UNC80: variants seen among roughly 807,000 people sequenced by gnomAD.
The protein encoded by UNC80 is protein unc-80 homolog.
In UNC80, 164 loss-of-function variants were observed where a neutral mutation model predicts 384.6. That is an observed-to-expected ratio of 0.43 (90% confidence interval 0.38 to 0.49). UNC80 has a LOEUF of 0.49. UNC80 is among the 20% of genes least tolerant of loss of function. The pLI, the probability that UNC80 is intolerant of heterozygous loss-of-function variation, is 0.00. For synonymous variants in UNC80, 1,486 were observed against 1,527.8 expected (o/e 0.97, Z 0.64); for missense variants, 3,330 against 4,143.0 (o/e 0.80, Z 5.39).
Position 209,775,777 on chromosome 2 carries a change from AG to A in UNC80, c.142-108del, listed in dbSNP as rs1160408342. ...TTGGTCCAGTAATTTGCATCTTTTA[AG>A]GGGTACAGTACCTTGCTGTTCATTT... is the stretch of plus-strand genomic sequence containing the variant. On this transcript the variant is annotated intron_variant, in intron 2 of 64. Coordinates refer to ENST00000673920, the MANE Select transcript of UNC80 (RefSeq NM_001371986.1). 7.7e-6 allele frequency: 8 copies of A among 1,042,404 alleles called. No homozygotes were observed. In the East Asian group the frequency reaches 2.0e-4, roughly 26 times the overall value. 64.6% of individuals were successfully genotyped at this position (1,042,404 alleles called of 1,614,324 possible). A position where few individuals can be genotyped will look rare whatever the true frequency, so the allele number is the denominator to read the frequency against.
At chr2:209,988,919 C>A (rs2093341799) in intron 61 of UNC80, among the ~76,000 whole-genome samples, 1 of 152,104 alleles carries the variant, frequency 6.6e-6, no homozygotes, top group Admixed American at 6.6e-5. Flanking sequence ...ATGTTAGCTT[C>A]AATTTAGAAA....
intron 33 of UNC80, among the ~76,000 whole-genome samples, chr2:209,920,169 C>T (rs542250857): frequency 1.1e-4 from 16 of 151,232 alleles, no homozygotes; most frequent in African/African-American, 3.9e-4. Context: ...AACTCCATCT[C>T]AAAAAGAAAA....
chr2:209,801,706 T>TTG (rs2078569023), intron 7 of UNC80, among the ~76,000 whole-genome samples: 1 of 147,930 alleles, frequency 6.8e-6, no homozygotes, highest in African/African-American at 2.5e-5. Context: ...TTTTTTTTTT[T>TTG]GCTTTTTATC....
chr2:209,815,392 G>T lies in UNC80; in HGVS notation c.1335+1G>T, dbSNP rs2079658706. On this transcript the variant is annotated splice_donor_variant, in intron 9 of 64. Coordinates refer to ENST00000673920, the MANE Select transcript of UNC80 (RefSeq NM_001371986.1). LOFTEE classifies it high-confidence loss of function. ...CCTGGGCATGAATATTTTTAAAAAG[G>T]TGAGTAGAAATGCTTATGCTCTTTG... is the stretch of plus-strand genomic sequence containing the variant. 6.4e-7 allele frequency: 1 copy of T among 1,550,610 alleles called. No homozygotes were observed. Among genetic ancestry groups the T allele is most frequent in the South Asian group, 1.2e-5 (1 of 83,904 alleles).
chr2:209,967,859 A>T, intron 52 of UNC80: 1 of 442,700 alleles, frequency 2.3e-6, no homozygotes, highest in Non-Finnish European at 4.0e-6. Flanking sequence ...CTTGAAAAAA[A>T]TCTATCCATT....
At chr2:209,855,855 G>C (rs905266044) in intron 22 of UNC80, among the ~76,000 whole-genome samples, 1 of 151,990 alleles carries the variant, frequency 6.6e-6, no homozygotes, top group African/African-American at 2.4e-5. Context: ...GTATTCATTT[G>C]TTTGAACATA....
chr2:209,820,560 G>A lies in UNC80; in HGVS notation c.2212G>A (p.Gly738Arg). 3 of 1,551,702 alleles carry A rather than the reference G, an allele frequency of 1.9e-6. No homozygotes were observed. Among genetic ancestry groups the A allele is most frequent in the East Asian group, 2.4e-5 (1 of 40,908 alleles). Residue 738 changes from glycine to arginine, a missense_variant, in exon 13 of 65, where the codon GGA becomes AGA. By Grantham distance (125) the Gly-to-Arg change is moderately radical. Around this residue, in one of 8 missense-constraint regions of UNC80, gnomAD observed 937 missense variants for 1,026.8 expected, o/e 0.91. Transcript: ENST00000673920. Reference protein sequence around the residue: ...GFGGPAVSGAGDGGGEEGGGG... With the variant: ...GFGGPAVSGARDGGGEEGGGG... Reference sequence around the variant, plus strand: ...CGGAGGCCCTGCTGTTAGTGGAGCTGGAGATGGTGGAGGAGAAGAAGGAGG... The same window carrying A: ...CGGAGGCCCTGCTGTTAGTGGAGCTAGAGATGGTGGAGGAGAAGAAGGAGG...
intron 56 of UNC80, among the ~76,000 whole-genome samples, chr2:209,973,815 A>G (rs933138735): frequency 2.0e-5 from 3 of 152,182 alleles, no homozygotes; most frequent in Non-Finnish European, 2.9e-5. Context: ...TGACCTTGCA[A>G]TATGCTATGC....
intron 24 of UNC80, among the ~76,000 whole-genome samples, chr2:209,879,520 G>A (rs2085088834): frequency 6.6e-6 from 1 of 152,168 alleles, no homozygotes; most frequent in Admixed American, 6.5e-5. Flanking sequence ...CTAAGACTAA[G>A]CTCATTGTCT....
intron 50 of UNC80, 113 bp downstream of exon 50, chr2:209,959,267 T>C (rs2092514303): frequency 7.5e-7 from 1 of 1,337,460 alleles, no homozygotes; most frequent in Non-Finnish European, 1.0e-6. Context: ...ATACTATTTC[T>C]GGGTAAACCC....
At chr2:209,850,038 T>C (rs1007253017) in intron 22 of UNC80, among the ~76,000 whole-genome samples, 2 of 152,132 alleles carry the variant, frequency 1.3e-5, no homozygotes, top group African/African-American at 4.8e-5. Flanking sequence ...TATTATATTA[T>C]TGGTCTTATG....
Position 209,976,921 on chromosome 2 carries a change from C to T in UNC80, c.8781C>T (p.Ala2927=). The T allele has an allele frequency of 6.6e-7, 1 of 1,513,596 alleles. No homozygotes were observed. Among genetic ancestry groups the T allele is most frequent in the Non-Finnish European group, 9.0e-7 (1 of 1,116,056 alleles). The allele number at this position is 1,513,596 out of a possible 1,614,324, so 93.8% of individuals were successfully genotyped here. ...TTATGCCTTCCTTTCAGCTGCTGGC[C>T]CAACCAGCAGAGAATCATGAAGAGC... ...LRPFIQCKLL[A]QPAENHEELS... is the part of the protein sequence containing the mutation. Residue 2927 remains alanine, a synonymous_variant, in exon 58 of 65, where the codon GCC becomes GCT. Coordinates refer to ENST00000673920, the MANE Select transcript of UNC80 (RefSeq NM_001371986.1). The surrounding 1 kb of genome is among the most constrained non-coding windows in gnomAD (Gnocchi z 4.3).
intron 22 of UNC80, among the ~76,000 whole-genome samples, chr2:209,854,113 T>C (rs1387774711): frequency 5.9e-5 from 9 of 152,080 alleles, no homozygotes. Flanking sequence ...ATAATTCATA[T>C]TGGGGCTTAA....
chr2:209,954,182 G>T lies in UNC80; in HGVS notation c.7369G>T (p.Val2457Leu). Reference sequence around the variant, plus strand: ...GAGGCAGACATCACAGGTGGAGACAGTACCTGCTGCCCGAGAGGAGATTGC... The same window carrying T: ...GAGGCAGACATCACAGGTGGAGACATTACCTGCTGCCCGAGAGGAGATTGC... ...LKRQTSQVET[V>L]PAAREEIAAT... Residue 2457 changes from valine (V) to leucine (L), a missense_variant, in exon 48 of 65, where the codon GTA becomes TTA. Val to Leu is a conservative substitution (Grantham distance 32). Coordinates refer to ENST00000673920, the MANE Select transcript of UNC80 (RefSeq NM_001371986.1). 4 of 1,551,194 alleles carry T rather than the reference G, an allele frequency of 2.6e-6. No homozygotes were observed. The highest frequency in any genetic ancestry group is 3.5e-6 in the Non-Finnish European group (4 of 1,146,954).
chr2:209,932,565 C>T (rs2090962519), intron 38 of UNC80, among the ~76,000 whole-genome samples: 1 of 152,174 alleles, frequency 6.6e-6, no homozygotes, highest in Non-Finnish European at 1.5e-5. Context: ...CCATTGCTCT[C>T]CTCCATCCTT....
At chr2:209,797,599 G>A (rs553296536) in intron 7 of UNC80, among the ~76,000 whole-genome samples, 1 of 152,246 alleles carries the variant, frequency 6.6e-6, no homozygotes, top group East Asian at 1.9e-4. Flanking sequence ...TTGGTTCCGT[G>A]TCTTTGCTAT....
chr2:209,810,172 G>A (rs1382344062), intron 7 of UNC80, among the ~76,000 whole-genome samples: 1 of 152,044 alleles, frequency 6.6e-6, no homozygotes, highest in Non-Finnish European at 1.5e-5. Flanking sequence ...TGTTTCCCAG[G>A]CAATTTAACA....
At chr2:209,885,085 G>GAA (rs371565099) in intron 25 of UNC80, among the ~76,000 whole-genome samples, 223 of 142,582 alleles carry the variant, frequency 1.6e-3, no homozygotes, top group African/African-American at 5.5e-3. Context: ...TTTAAAAAAA[G>GAA]AAAAAAAAAA....
intron 25 of UNC80, among the ~76,000 whole-genome samples, chr2:209,884,338 G>A (rs1226554329): frequency 1.3e-5 from 2 of 152,184 alleles, no homozygotes; most frequent in African/African-American, 2.4e-5. Flanking sequence ...AAAGAGGAAG[G>A]TGGTAAGGAG....
Sources: allele counts gnomAD v4.1 joint callset (sites outside exome capture counted in the v4.1 genomes callset), GRCh38; gene constraint gnomAD v4.1.1; regional missense constraint gnomAD v4.1.1; non-coding constraint Gnocchi (gnomAD v3.1); transcripts MANE v1.5; gene names NCBI Gene and HGNC (gene_info 2026-07-23, HGNC 2026-07-21).